The following MDN1 variants were observed in gnomAD, a reference collection of about 807,000 sequenced individuals.
MDN1 encodes the protein midasin.
A neutral mutation model predicts 669.2 loss-of-function variants in MDN1; 266 were observed. The observed-to-expected ratio is 0.40, with a 90% CI of 0.36 to 0.44. MDN1 has a LOEUF of 0.44. MDN1 is among the 20% of genes least tolerant of loss of function. The pLI is 1.00. For missense variants in MDN1, 5,940 were observed against 6,754.0 expected (o/e 0.88, Z 4.22); for synonymous variants, 2,385 against 2,457.1 (o/e 0.97, Z 0.87).
At chr6:89,776,524 A>C in intron 12 of MDN1, 76 bp downstream of exon 12, 1 of 1,087,070 alleles carries the variant, frequency 9.2e-7, no homozygotes, top group Non-Finnish European at 1.4e-6. Flanking sequence ...CCAACTAAGG[A>C]CTAGAGACCA....
At chr6:89,785,601 G>T (rs937921408) in intron 8 of MDN1, among the ~76,000 whole-genome samples, 1 of 152,190 alleles carries the variant, frequency 6.6e-6, no homozygotes, top group African/African-American at 2.4e-5. Flanking sequence ...GAAGGTACAT[G>T]CTTATGCATA....
At chr6:89,701,762 T>C in intron 54 of MDN1, 84 bp from the exon 55 acceptor site, 1 of 1,533,474 alleles carries the variant, frequency 6.5e-7, no homozygotes, top group Non-Finnish European at 8.8e-7. Flanking sequence ...ATTTTCTTTC[T>C]TTCTTTCTTT....
Position 89,712,241 on chromosome 6 carries a change from G to C in MDN1, c.7446C>G (p.Thr2482=). The change falls in exon 49 of 102, where the codon ACC becomes ACG. Residue 2482 remains threonine (T), a synonymous_variant. Transcript: ENST00000369393. The part of the protein sequence containing the change: ...TSSWTRSQPF[T]LQDLEKIMQS... The stretch of plus-strand genomic sequence containing the variant: ...GCATAATTTTCTCTAAGTCTTGCAA[G>C]GTAAAAGGCTGACTCCTGAAATTCA... 6.2e-7 allele frequency: 1 copy of C among 1,613,636 alleles called. No homozygotes were observed. The highest frequency in any genetic ancestry group is 1.3e-5 in the African/African-American group (1 of 74,986).
At chr6:89,732,290 C>T (rs1020973822) in intron 34 of MDN1, among the ~76,000 whole-genome samples, 1 of 150,172 alleles carries the variant, frequency 6.7e-6, no homozygotes, top group Non-Finnish European at 1.5e-5. Flanking sequence ...GCTTCAGAAG[C>T]AAAGACATTT....
At chr6:89,755,237 TA>T (rs1237085135) in intron 20 of MDN1, among the ~76,000 whole-genome samples, 1 of 152,130 alleles carries the variant, frequency 6.6e-6, no homozygotes, top group East Asian at 1.9e-4. Context: ...CCTTGTTGAC[TA>T]ATCTATTTAA....
rs770320485 is a variant in MDN1, at chr6:89,658,660, C to T, written c.14971G>A (p.Asp4991Asn). The stretch of plus-strand genomic sequence containing the variant: ...GGGCCATTCTCTCCACCTTCTTCAT[C>T]GGCTTCCTTGTCTTTTTCCTCCACA... ...QSVEEKDKEA[D>N]EEGGENGPAD... Residue 4991 changes from aspartate (D) to asparagine (N), a missense_variant, in exon 89 of 102, where the codon GAT (aspartate) becomes AAT (asparagine). Physicochemically the swap from Asp to Asn is conservative, Grantham distance 23. Around this residue, in one of 5 missense-constraint regions of MDN1, gnomAD observed 2,280 missense variants for 2,576.3 expected, o/e 0.88. Coordinates refer to ENST00000369393, the MANE Select transcript of MDN1 (RefSeq NM_014611.3). 31 of 1,613,208 alleles carry T rather than the reference C, an allele frequency of 1.9e-5. No homozygotes were observed. The highest frequency in any genetic ancestry group is 1.1e-4 in the East Asian group (5 of 44,870).
intron 9 of MDN1, among the ~76,000 whole-genome samples, chr6:89,783,833 T>A (rs112633615): frequency 1.3e-5 from 2 of 152,068 alleles, no homozygotes; most frequent in African/African-American, 4.8e-5. Context: ...TGTTGTAATA[T>A]TGGGGGTGGG....
chr6:89,676,049 C>G (rs1241168548), intron 77 of MDN1, 53 bp downstream of exon 77: 1 of 1,542,070 alleles, frequency 6.5e-7, no homozygotes, highest in Non-Finnish European at 9.0e-7. Flanking sequence ...CTGGGATGAA[C>G]AGAACAAGGG....
intron 62 of MDN1, 45 bp downstream of exon 62, chr6:89,694,029 G>C: frequency 6.8e-7 from 1 of 1,460,992 alleles, no homozygotes; most frequent in Non-Finnish European, 9.6e-7. Flanking sequence ...ACATCAAAAG[G>C]AGAGTCAATA....
At position 89,656,782 on chromosome 6, in the gene MDN1, G is replaced by C; in HGVS notation, c.15203C>G (p.Ala5068Gly). ...QGKEEHGSGA[A>G]DANQAEGHES... Reference sequence around the variant, plus strand: ...ATGGCCTTCTGCCTGGTTTGCATCTGCAGCTCCACTTCCGTGTTCCTAGGA... The same window carrying C: ...ATGGCCTTCTGCCTGGTTTGCATCTCCAGCTCCACTTCCGTGTTCCTAGGA... The change falls in exon 91 of 102, where the codon GCA (alanine) becomes GGA (glycine). Residue 5068 changes from alanine to glycine, a missense_variant. Transcript: ENST00000369393. The C allele has an allele frequency of 6.2e-7, 1 of 1,613,500 alleles. No individual in the cohort carries two copies. The highest frequency in any genetic ancestry group is 8.5e-7 in the Non-Finnish European group (1 of 1,179,696).
Position 89,725,233 on chromosome 6 carries a change from C to G in MDN1, c.5636G>C (p.Gly1879Ala). The change falls in exon 38 of 102, where the codon GGC becomes GCC. Residue 1879 changes from glycine (G) to alanine (A), a missense_variant. Gly to Ala is a moderately conservative substitution (Grantham distance 60). Transcript: ENST00000369393. Reference sequence around the variant, plus strand: ...TCTGTTAAGGAAAGACCTGGGCAAGCCTTTCCTCCCACCTCCTTGTCTAAA... The same window carrying G: ...TCTGTTAAGGAAAGACCTGGGCAAGGCTTTCCTCCCACCTCCTTGTCTAAA... ...NPFRQGGGRK[G>A]LPRSFLNRFT... The G allele has an allele frequency of 1.2e-6, 2 of 1,613,998 alleles. No individual in the cohort carries two copies. The highest frequency in any genetic ancestry group is 3.3e-5 in the Admixed American group (2 of 60,014).
intron 15 of MDN1, among the ~76,000 whole-genome samples, chr6:89,770,863 G>C (rs1818046021): frequency 6.6e-6 from 1 of 152,048 alleles, no homozygotes; most frequent in Non-Finnish European, 1.5e-5. Flanking sequence ...TTATATACTT[G>C]CCTGCTTTTT....
rs756345807 is a variant in MDN1 at position 89,728,962 on chromosome 6, G to T, written c.5318C>A (p.Thr1773Asn). The T allele has an allele frequency of 6.2e-7, 1 of 1,614,082 alleles. No homozygotes were observed. Among genetic ancestry groups the T allele is most frequent in the Non-Finnish European group, 8.5e-7 (1 of 1,180,000 alleles). The part of the protein sequence containing the change: ...VGALAKASGN[T>N]LVRINLSEQT... Reference sequence around the variant, plus strand: ...CTCTGATAAGTTGATTCTAACAAGGGTATTTCCTGAAGCCTTTGCTAATGC... The same window carrying T: ...CTCTGATAAGTTGATTCTAACAAGGTTATTTCCTGAAGCCTTTGCTAATGC... The change falls in exon 36 of 102, where the codon ACC becomes AAC. Residue 1773 changes from threonine (T) to asparagine (N), a missense_variant. Thr to Asn is a moderately conservative substitution (Grantham distance 65). Coordinates refer to ENST00000369393, the MANE Select transcript of MDN1 (RefSeq NM_014611.3).
intron 27 of MDN1, among the ~76,000 whole-genome samples, chr6:89,746,903 C>T (rs914000949): frequency 6.6e-6 from 1 of 152,136 alleles, no homozygotes; most frequent in Non-Finnish European, 1.5e-5. Context: ...AGGAAAACAA[C>T]AAAACCTGAG....
chr6:89,812,420 C>G (rs1768493156), intron 1 of MDN1, among the ~76,000 whole-genome samples: 1 of 152,068 alleles, frequency 6.6e-6, no homozygotes, highest in Non-Finnish European at 1.5e-5. Flanking sequence ...GGTGGCTCAG[C>G]TCTTCTCTTC....
chr6:89,667,925 C>A (rs937090782), intron 84 of MDN1, 89 bp downstream of exon 84: 1 of 1,500,400 alleles, frequency 6.7e-7, no homozygotes. Flanking sequence ...AAATTATTAA[C>A]CTAGTAAAAA....
intron 3 of MDN1, 119 bp downstream of exon 3, chr6:89,794,458 C>T: frequency 9.9e-7 from 1 of 1,007,704 alleles, no homozygotes; most frequent in Non-Finnish European, 1.5e-6. Context: ...CCCCAAAAGC[C>T]ACAAGAACAA....
In MDN1 at chr6:89,795,848, G is replaced by C. The variant is rs571798994; in HGVS notation, c.330-1047C>G. Reference sequence around the variant, plus strand: ...CTCATGCCTGTAATCCCAGCTATTCGGGACGTCGAGGCGGGAGAATCGCTT... The same window carrying C: ...CTCATGCCTGTAATCCCAGCTATTCCGGACGTCGAGGCGGGAGAATCGCTT... On this transcript the variant is annotated intron_variant, in intron 2 of 101. Transcript: ENST00000369393. Among the ~76,000 whole-genome samples the C allele has an allele frequency of 2.6e-3, 390 of 151,576 alleles. 1 individual carries two copies. The highest frequency in any genetic ancestry group is 5.9e-3 in the Admixed American group (89 of 15,198).
At chr6:89,782,886 A>G (rs1485770685) in intron 9 of MDN1, among the ~76,000 whole-genome samples, 1 of 152,194 alleles carries the variant, frequency 6.6e-6, no homozygotes, top group Non-Finnish European at 1.5e-5. Context: ...CGAAGATTTC[A>G]TGGACATGTA....
Sources: gnomAD v4.1 joint callset for allele counts (sites outside exome capture counted in the v4.1 genomes callset) on GRCh38, gnomAD v4.1.1 for gene constraint, gnomAD v4.1.1 regional missense constraint, MANE v1.5 for transcripts, NCBI Gene and HGNC (gene_info 2026-07-23, HGNC 2026-07-21) for gene names.